The following CARMIL1 variants were observed in gnomAD, a reference collection of about 807,000 sequenced individuals.
The protein encoded by CARMIL1 is capping protein regulator and myosin 1 linker 1, also known as F-actin-uncapping protein LRRC16A.
A neutral mutation model predicts 177.1 loss-of-function variants in CARMIL1; 90 were observed. That is an observed-to-expected ratio of 0.51 (90% CI 0.43 to 0.61). The LOEUF (loss-of-function observed/expected upper bound fraction) is 0.61, where lower values mean the gene tolerates loss of function less well. Ranked by LOEUF, CARMIL1 falls within the 20% of genes least tolerant of loss-of-function variation. The pLI, the probability that CARMIL1 is intolerant of heterozygous loss-of-function variation, is 0.00. For missense variants in CARMIL1, 1,380 were observed against 1,667.0 expected (o/e 0.83, Z 3.00); for synonymous variants, 577 against 606.2 (o/e 0.95, Z 0.71).
At chr6:25,410,095 G>A (rs1031643367) in intron 2 of CARMIL1, among the ~76,000 whole-genome samples, 9 of 60,140 alleles carry the variant, frequency 1.5e-4, no homozygotes, top group South Asian at 6.4e-4. Context: ...GCCCCCCGCC[G>A]CCATATGGCA....
chr6:25,390,320 A>ATATT (rs1554184839), intron 2 of CARMIL1, among the ~76,000 whole-genome samples: 7 of 58,100 alleles, frequency 1.2e-4, no homozygotes, highest in East Asian at 4.9e-4. Context: ...ATATATATAT[A>ATATT]TTTTTTTTTT....
At chr6:25,317,493 C>T (rs1194872233) in intron 2 of CARMIL1, among the ~76,000 whole-genome samples, 1 of 147,372 alleles carries the variant, frequency 6.8e-6, no homozygotes, top group Non-Finnish European at 1.5e-5. Context: ...ATATTCTTTT[C>T]ATCTTCCAGG....
chr6:25,459,269 T>TCTTTCTTCCTTTCTTCCTTTCTTCCTTTC (rs56094712), intron 8 of CARMIL1, among the ~76,000 whole-genome samples: 1 of 118,170 alleles, frequency 8.5e-6, no homozygotes, highest in Non-Finnish European at 1.7e-5. Context: ...TTTCTTTCTT[T>TCTTTCTTCCTTTCTTCCTTTCTTCCTTTC]TTTTTTTTTT....
At chr6:25,603,066 G>A (rs1419606509) in intron 33 of CARMIL1, among the ~76,000 whole-genome samples, 2 of 152,188 alleles carry the variant, frequency 1.3e-5, no homozygotes, top group Non-Finnish European at 2.9e-5. Flanking sequence ...ATCTGGGAGG[G>A]AAAAGAGAAC....
intron 2 of CARMIL1, among the ~76,000 whole-genome samples, chr6:25,308,056 G>T (rs1270566339): frequency 6.6e-6 from 1 of 152,218 alleles, no homozygotes; most frequent in African/African-American, 2.4e-5. Context: ...AAAAATGGCT[G>T]TGTGCAGATT....
At chr6:25,519,781 G>A (rs1341521526) in intron 22 of CARMIL1, among the ~76,000 whole-genome samples, 1 of 152,174 alleles carries the variant, frequency 6.6e-6, no homozygotes, top group Non-Finnish European at 1.5e-5. Context: ...GCAAGCAAAT[G>A]TTTTGTTTTT....
intron 2 of CARMIL1, among the ~76,000 whole-genome samples, chr6:25,317,313 A>AT (rs1418962453): frequency 6.6e-6 from 1 of 151,524 alleles, no homozygotes; most frequent in South Asian, 2.1e-4. Context: ...TTTTATTTTT[A>AT]TTTTTTAAAG....
chr6:25,351,510 C>T lies in CARMIL1; in HGVS notation c.138+66601C>T, dbSNP rs553536913. ...GAACAAATGTGGAGAGACTGAAAAT[C>T]GTAAATTGTTTTCACACCTCTTGCC... On this transcript the variant is annotated intron_variant, in intron 2 of 36. Coordinates refer to ENST00000329474, the MANE Select transcript of CARMIL1 (RefSeq NM_017640.6). 5.3e-5 allele frequency among the ~76,000 whole-genome samples: 8 copies of T among 152,304 alleles called. No homozygotes were observed. The South Asian group carries it at 1.5e-3, about 28-fold the overall frequency.
chr6:25,441,353 G>GTGTGTGTGTGTGTGTGTGTGTA (rs1562140481), intron 5 of CARMIL1, among the ~76,000 whole-genome samples: 1 of 139,894 alleles, frequency 7.1e-6, no homozygotes, highest in South Asian at 2.3e-4. Context: ...GTGTGTGTGT[G>GTGTGTGTGTGTGTGTGTGTGTA]TGTGTGTGTG....
chr6:25,407,053 A>G (rs1460947164), intron 2 of CARMIL1, among the ~76,000 whole-genome samples: 6 of 152,270 alleles, frequency 3.9e-5, no homozygotes, highest in Admixed American at 2.6e-4. Context: ...TAGGAAGTGC[A>G]TGGATTTAGC....
At chr6:25,469,532 T>TTGTGTG (rs35568793) in intron 9 of CARMIL1, among the ~76,000 whole-genome samples, 1 of 150,956 alleles carries the variant, frequency 6.6e-6, no homozygotes, top group Non-Finnish European at 1.5e-5. Context: ...TAAAATCACT[T>TTGTGTG]TGTGTGTGTG....
chr6:25,431,121 C>T (rs190000613), intron 4 of CARMIL1, among the ~76,000 whole-genome samples: 1 of 152,270 alleles, frequency 6.6e-6, no homozygotes, highest in East Asian at 1.9e-4. Context: ...CCCACTAACT[C>T]GTCATTTAAC....
chr6:25,485,287 C>A (rs547524275), intron 12 of CARMIL1, among the ~76,000 whole-genome samples: 1 of 152,106 alleles, frequency 6.6e-6, no homozygotes, highest in African/African-American at 2.4e-5. Flanking sequence ...GAGGACAGCC[C>A]CACGTTGCCT....
intron 2 of CARMIL1, among the ~76,000 whole-genome samples, chr6:25,315,945 C>T (rs753466145): frequency 5.6e-4 from 85 of 152,298 alleles, no homozygotes; most frequent in Admixed American, 1.0e-3. Flanking sequence ...ACAAGATCTG[C>T]AGGAGCTTAT....
At chr6:25,513,016 A>G (rs1303998695) in intron 20 of CARMIL1, among the ~76,000 whole-genome samples, 1 of 152,192 alleles carries the variant, frequency 6.6e-6, no homozygotes, top group Non-Finnish European at 1.5e-5. Flanking sequence ...TATGCACGCA[A>G]TTCAGGCTGG....
intron 2 of CARMIL1, among the ~76,000 whole-genome samples, chr6:25,306,866 T>C (rs1430249922): frequency 1.3e-5 from 2 of 150,288 alleles, no homozygotes; most frequent in Non-Finnish European, 3.0e-5. Flanking sequence ...ACCTGTTTCC[T>C]GCAGTGCCTT....
chr6:25,394,812 A>G (rs1349277943), intron 2 of CARMIL1, among the ~76,000 whole-genome samples: 4 of 152,124 alleles, frequency 2.6e-5, no homozygotes, highest in African/African-American at 9.7e-5. Flanking sequence ...CTGTGAGAAG[A>G]TTAATTATTC....
rs1318526501 is a variant in CARMIL1, at chr6:25,420,988, TC to T, written c.189+828del. On this transcript the variant is annotated intron_variant, in intron 3 of 36. Transcript: ENST00000329474. Reference sequence around the variant, plus strand: ...ATGAGAGCTATAAGTCTTATTATTATCCCCTTTATTGATGAGAAAACTGAGG... The same window carrying T: ...ATGAGAGCTATAAGTCTTATTATTATCCCTTTATTGATGAGAAAACTGAGG... 3.3e-5 allele frequency among the ~76,000 whole-genome samples: 5 copies of T among 152,328 alleles called. 1 individual carries two copies. The South Asian group carries it at 8.3e-4, about 25-fold the overall frequency.
chr6:25,450,058 TAA>T, intron 6 of CARMIL1, 63 bp downstream of exon 6: 1 of 1,342,722 alleles, frequency 7.4e-7, no homozygotes, highest in South Asian at 1.3e-5. Context: ...GCCAGGAAGT[TAA>T]GTCTATTCCT....
Sources: allele counts gnomAD v4.1 joint callset (sites outside exome capture counted in the v4.1 genomes callset), GRCh38; gene constraint gnomAD v4.1.1; transcripts MANE v1.5; gene names NCBI Gene and HGNC (gene_info 2026-07-23, HGNC 2026-07-21).